CSMD1: variants seen among roughly 807,000 people sequenced by gnomAD.
The protein encoded by CSMD1 is CUB and sushi domain-containing protein 1.
CSMD1 carries 213 observed loss-of-function variants against 417.5 expected under a neutral mutation model. The ratio of observed to expected loss-of-function variants is 0.51; its 90% CI spans 0.46 to 0.57. The LOEUF is 0.57. Among genes scored for constraint, CSMD1 ranks in the 20% least tolerant of loss-of-function variants. The pLI, the probability that CSMD1 is intolerant of heterozygous loss-of-function variation, is 0.00. For missense variants in CSMD1, 6,923 were observed against 4,529.7 expected (o/e 1.53, Z -15.17); for synonymous variants, 2,862 against 1,736.8 (o/e 1.65, Z -16.11).
chr8:4,836,181 T>C (rs1001529862), intron 1 of CSMD1, among the ~76,000 whole-genome samples: 1 of 152,218 alleles, frequency 6.6e-6, no homozygotes, highest in Non-Finnish European at 1.5e-5. Flanking sequence ...AAATCGTTAA[T>C]TGTGAATTGA....
chr8:3,783,813 C>G (rs1056274699), intron 5 of CSMD1, among the ~76,000 whole-genome samples: 1 of 152,170 alleles, frequency 6.6e-6, no homozygotes, highest in African/African-American at 2.4e-5. Context: ...TATTGTAGGA[C>G]AGCATTTTCC....
chr8:4,421,087 A>T (rs1455932730), intron 2 of CSMD1, among the ~76,000 whole-genome samples: 5 of 152,176 alleles, frequency 3.3e-5, no homozygotes, highest in Admixed American at 2.6e-4. Context: ...TGCCAATCCA[A>T]ACAACTTTCA....
intron 41 of CSMD1, among the ~76,000 whole-genome samples, chr8:3,141,319 T>C (rs764377234): frequency 4.6e-5 from 7 of 152,194 alleles, no homozygotes; most frequent in Non-Finnish European, 8.8e-5. Context: ...ACCAACTCCA[T>C]CTTGCTTCTA....
intron 10 of CSMD1, among the ~76,000 whole-genome samples, chr8:3,522,516 G>A (rs1378068160): frequency 6.6e-6 from 1 of 152,078 alleles, no homozygotes; most frequent in Non-Finnish European, 1.5e-5. Flanking sequence ...TTTGTTTACT[G>A]GAACATTGGT....
At chr8:3,680,157 C>G (rs928035067) in intron 7 of CSMD1, among the ~76,000 whole-genome samples, 2 of 152,218 alleles carry the variant, frequency 1.3e-5, no homozygotes, top group African/African-American at 4.8e-5. Context: ...CATTCAAAAA[C>G]TAGCAGAAGG....
chr8:3,956,826 A>G (rs566721862), intron 5 of CSMD1, among the ~76,000 whole-genome samples: 23 of 152,300 alleles, frequency 1.5e-4, no homozygotes, highest in African/African-American at 5.1e-4. Context: ...TACGGAAGGA[A>G]GAGAGAATGT....
At chr8:3,734,351 C>T (rs957966576) in intron 6 of CSMD1, among the ~76,000 whole-genome samples, 18 of 152,224 alleles carry the variant, frequency 1.2e-4, no homozygotes, top group Admixed American at 3.3e-4. Context: ...GAGGGCTGTT[C>T]GACAGCATCG....
chr8:3,786,769 G>A lies in CSMD1; in HGVS notation c.819-32727C>T, dbSNP rs186417714. 4.6e-5 allele frequency among the ~76,000 whole-genome samples: 7 copies of A among 152,302 alleles called. No individual in the cohort carries two copies. The East Asian group carries it at 1.4e-3, about 29-fold the overall frequency. ...GAGAACTTTCTTTCAAGCTCACAGA[G>A]GGCTATCTTCCCCTTGCGTCCTCAG... On this transcript the variant is annotated intron_variant, in intron 5 of 69. Coordinates refer to ENST00000635120, the MANE Select transcript of CSMD1 (RefSeq NM_033225.6).
chr8:3,663,523 A>T (rs995478188), intron 7 of CSMD1, among the ~76,000 whole-genome samples: 1 of 152,142 alleles, frequency 6.6e-6, no homozygotes, highest in South Asian at 2.1e-4. Context: ...CTACAGGGAA[A>T]AGTCAAGCTG....
At chr8:3,952,906 T>C (rs1010135365) in intron 5 of CSMD1, among the ~76,000 whole-genome samples, 4 of 152,204 alleles carry the variant, frequency 2.6e-5, no homozygotes, top group Admixed American at 1.3e-4. Context: ...CAGCGAAAGC[T>C]GTATTGAGTG....
At chr8:4,006,628 G>C (rs941974884) in intron 4 of CSMD1, among the ~76,000 whole-genome samples, 2 of 152,186 alleles carry the variant, frequency 1.3e-5, no homozygotes, top group East Asian at 1.9e-4. Flanking sequence ...CAAATCCATA[G>C]GTAAGCAAGA....
At chr8:4,578,332 A>ATTTCTTTTTT (rs1799238876) in intron 2 of CSMD1, among the ~76,000 whole-genome samples, 1 of 48,776 alleles carries the variant, frequency 2.1e-5, no homozygotes, top group African/African-American at 7.6e-5. Flanking sequence ...CACCCGGCTC[A>ATTTCTTTTTT]TTTTTTTTTT....
At chr8:4,001,111 G>A (rs367631796) in intron 4 of CSMD1, among the ~76,000 whole-genome samples, 2 of 151,618 alleles carry the variant, frequency 1.3e-5, no homozygotes, top group African/African-American at 4.8e-5. Context: ...CAGTCGATGA[G>A]CTGAATCACT....
intron 1 of CSMD1, among the ~76,000 whole-genome samples, chr8:4,956,408 G>A (rs1163842107): frequency 1.3e-5 from 2 of 149,082 alleles, no homozygotes; most frequent in African/African-American, 2.4e-5. Flanking sequence ...ACATTTTCAA[G>A]ATATTATAAA....
intron 3 of CSMD1, among the ~76,000 whole-genome samples, chr8:4,328,558 C>A (rs1375389324): frequency 2.6e-5 from 4 of 151,756 alleles, no homozygotes; most frequent in Non-Finnish European, 4.4e-5. Flanking sequence ...ACACTATGTA[C>A]CCACAACAAT....
rs567385382 is a variant in CSMD1, at chr8:4,227,040, C to G, written c.415+192913G>C. Among the ~76,000 whole-genome samples the G allele has an allele frequency of 5.3e-5, 8 of 151,854 alleles. No homozygotes were observed. In the East Asian group the frequency reaches 1.2e-3, roughly 22 times the overall value. On this transcript the variant is annotated intron_variant, in intron 3 of 69. Coordinates refer to ENST00000635120, the MANE Select transcript of CSMD1 (RefSeq NM_033225.6). ...CTCTGCAGGTGAGATGGGTCTGTAT[C>G]AACTCTAAGACTGAACGACTCTGAA...
intron 3 of CSMD1, among the ~76,000 whole-genome samples, chr8:4,252,965 G>A (rs950204786): frequency 6.6e-6 from 1 of 152,160 alleles, no homozygotes; most frequent in Admixed American, 6.5e-5. Context: ...CACTTTTCAT[G>A]ACAGCCCAGT....
intron 3 of CSMD1, among the ~76,000 whole-genome samples, chr8:4,399,858 G>T (rs1289620210): frequency 6.6e-6 from 1 of 152,182 alleles, no homozygotes; most frequent in Admixed American, 6.5e-5. Context: ...AAAGATCCCA[G>T]ATTAAAAGTG....
intron 41 of CSMD1, chr8:3,128,999 C>A (rs1817654560): frequency 8.3e-6 from 3 of 360,356 alleles, no homozygotes; most frequent in Admixed American, 4.0e-5. Flanking sequence ...AAGTGTGAAG[C>A]AAATAAAACA....
Sources: gnomAD v4.1 joint callset for allele counts (sites outside exome capture counted in the v4.1 genomes callset) on GRCh38, gnomAD v4.1.1 for gene constraint, MANE v1.5 for transcripts, NCBI Gene and HGNC (gene_info 2026-07-23, HGNC 2026-07-21) for gene names.